The following LRRC7 variants were observed in gnomAD, a reference collection of about 807,000 sequenced individuals.
The protein encoded by LRRC7 is leucine rich repeat containing 7.
In LRRC7, 23 loss-of-function variants were observed where a neutral mutation model predicts 175.7. The observed-to-expected ratio is 0.13, with a 90% CI of 0.09 to 0.19. The LOEUF (loss-of-function observed/expected upper bound fraction) is 0.19. Ranked by LOEUF, LRRC7 falls within the 10% of genes least tolerant of loss-of-function variation. The pLI is 1.00. For synonymous variants in LRRC7, 685 were observed against 680.9 expected, an observed-to-expected ratio of 1.01 and a Z score of -0.09; for missense variants, 1,354 against 1,904.7, an observed-to-expected ratio of 0.71 and a Z score of 5.38.
chr1:69,894,044 G>A (rs1003471511), intron 7 of LRRC7, among the ~76,000 whole-genome samples: 5 of 152,092 alleles, frequency 3.3e-5, no homozygotes, highest in Non-Finnish European at 7.4e-5. Flanking sequence ...CCAGTATAAC[G>A]GTTAGATCAA....
At chr1:69,646,830 T>A (rs1655067138) in intron 1 of LRRC7, among the ~76,000 whole-genome samples, 1 of 152,146 alleles carries the variant, frequency 6.6e-6, no homozygotes, top group South Asian at 2.1e-4. Context: ...CAGTCTTTTT[T>A]AATAAATCTG....
At chr1:70,001,283 G>C (rs945353408) in intron 11 of LRRC7, among the ~76,000 whole-genome samples, 7 of 152,004 alleles carry the variant, frequency 4.6e-5, no homozygotes, top group South Asian at 2.1e-4. Context: ...AATGAGTATG[G>C]CTTCATATTT....
intron 2 of LRRC7, among the ~76,000 whole-genome samples, chr1:69,729,775 C>A (rs1355258261): frequency 6.6e-6 from 1 of 152,184 alleles, no homozygotes; most frequent in African/African-American, 2.4e-5. Context: ...TCTCACAGCT[C>A]CTCTAGGAAG....
At chr1:69,801,486 T>C (rs1676485604) in intron 4 of LRRC7, among the ~76,000 whole-genome samples, 1 of 151,768 alleles carries the variant, frequency 6.6e-6, no homozygotes, top group Non-Finnish European at 1.5e-5. Context: ...CCTCTGGAAT[T>C]CTTAGCCTGT....
At chr1:69,773,776 C>A (rs1390638310) in intron 3 of LRRC7, among the ~76,000 whole-genome samples, 1 of 152,154 alleles carries the variant, frequency 6.6e-6, no homozygotes, top group Non-Finnish European at 1.5e-5. Flanking sequence ...TCAAAACAAC[C>A]CTGCCCAATA....
chr1:69,755,231 G>A (rs1202105144), intron 2 of LRRC7, among the ~76,000 whole-genome samples: 1 of 151,636 alleles, frequency 6.6e-6, no homozygotes, highest in South Asian at 2.1e-4. Context: ...CTTTCCTAAT[G>A]TATCTATTCT....
intron 11 of LRRC7, among the ~76,000 whole-genome samples, chr1:70,004,421 A>G (rs766233721): frequency 5.3e-5 from 8 of 152,156 alleles, no homozygotes. Context: ...TCTGAAAATG[A>G]GTATAGCAGC....
At position 70,039,089 on chromosome 1, in the gene LRRC7, C is replaced by A. The variant is rs759946531; in HGVS notation, c.3265C>A (p.Pro1089Thr). 16 of 1,614,094 alleles carry A rather than the reference C, an allele frequency of 9.9e-6. No individual in the cohort carries two copies. The highest frequency in any genetic ancestry group is 2.2e-5 in the East Asian group (1 of 44,832). ...GAAAGCCGAAAAGAGGATACCACCC[C>A]CTTTTCAACACAATCCCGAGTACGT... ...EVKAEKRIPPPFQHNPEYVQQ... is the reference protein window; with the variant it reads ...EVKAEKRIPPTFQHNPEYVQQ... Residue 1089 changes from proline to threonine, a missense_variant, in exon 21 of 27, where the codon CCT becomes ACT. Around this residue, in one of 4 missense-constraint regions of LRRC7, gnomAD observed 1,032 missense variants for 1,227.2 expected, o/e 0.84. Transcript: ENST00000651989.
chr1:70,111,739 A>G (rs1665541624), intron 26 of LRRC7, among the ~76,000 whole-genome samples: 1 of 152,210 alleles, frequency 6.6e-6, no homozygotes, highest in South Asian at 2.1e-4. Context: ...CAACAGATTC[A>G]CAGTTGTAAC....
In LRRC7 at chr1:70,023,277, G is replaced by T; in HGVS notation, c.1697G>T (p.Trp566Leu). 2 of 1,613,496 alleles carry T rather than the reference G, an allele frequency of 1.2e-6. No homozygotes were observed. The highest frequency in any genetic ancestry group is 1.7e-6 in the Non-Finnish European group (2 of 1,179,658). ...PVPQNDPQLA[W>L]GCISGLQQER... ...CCCCAGAATGACCCACAGCTGGCAT[G>T]GGGTTGTATAAGTGGCCTCCAGCAG... Residue 566 changes from tryptophan to leucine, a missense_variant, in exon 17 of 27, where the codon TGG (tryptophan) becomes TTG (leucine). Physicochemically the swap from Trp to Leu is moderately conservative, Grantham distance 61. This residue lies in a region of LRRC7 where 1,032 missense variants were observed against 1,227.2 expected (regional missense o/e 0.84). Transcript: ENST00000651989.
intron 2 of LRRC7, among the ~76,000 whole-genome samples, chr1:69,728,406 A>ACAT (rs752859139): frequency 2.0e-5 from 3 of 152,198 alleles, no homozygotes; most frequent in African/African-American, 4.8e-5. Flanking sequence ...AAATGAAGCT[A>ACAT]CATTAAAGGC....
intron 18 of LRRC7, among the ~76,000 whole-genome samples, chr1:70,030,897 G>A (rs530921820): frequency 6.6e-5 from 10 of 152,204 alleles, no homozygotes; most frequent in East Asian, 5.8e-4. Flanking sequence ...CAGGGCTGGC[G>A]GAGCCATAAG....
intron 1 of LRRC7, among the ~76,000 whole-genome samples, chr1:69,631,200 A>G (rs1773348): frequency 0.13 from 19,519 of 152,038 alleles, 1,599 homozygotes; most frequent in South Asian, 0.19. Context: ...ATTCACTGCA[A>G]TGTGGATTTC....
At chr1:69,699,215 C>T (rs1051682839) in intron 2 of LRRC7, among the ~76,000 whole-genome samples, 2 of 152,124 alleles carry the variant, frequency 1.3e-5, no homozygotes, top group African/African-American at 4.8e-5. Context: ...AGAGAAAGTT[C>T]AAACTACTGT....
intron 17 of LRRC7, among the ~76,000 whole-genome samples, chr1:70,024,202 A>G (rs1321334729): frequency 1.3e-5 from 2 of 151,970 alleles, no homozygotes; most frequent in African/African-American, 4.8e-5. Flanking sequence ...AATATTTAAC[A>G]ATCAATGATC....
At chr1:69,886,189 G>A (rs565122989) in intron 7 of LRRC7, among the ~76,000 whole-genome samples, 72 of 152,042 alleles carry the variant, frequency 4.7e-4, no homozygotes, top group Non-Finnish European at 8.7e-4. Context: ...TTTCTGTCTC[G>A]TTTATCTGTC....
chr1:69,994,203 A>G (rs984950), intron 10 of LRRC7, among the ~76,000 whole-genome samples: 25,603 of 152,186 alleles, frequency 0.17, 3,545 homozygotes, highest in African/African-American at 0.39. Flanking sequence ...CTGCTTAGGA[A>G]CTAATTAAAT....
chr1:70,086,536 T>A (rs1429260516), intron 24 of LRRC7, among the ~76,000 whole-genome samples: 1 of 152,036 alleles, frequency 6.6e-6, no homozygotes, highest in Non-Finnish European at 1.5e-5. Flanking sequence ...CCAAGCACTT[T>A]GGAAGGCTGA....
intron 1 of LRRC7, among the ~76,000 whole-genome samples, chr1:69,608,671 G>A (rs1648055753): frequency 6.6e-6 from 1 of 151,756 alleles, no homozygotes; most frequent in East Asian, 1.9e-4. Flanking sequence ...TAAACAGGCT[G>A]TACATTTTGC....
Sources: allele counts gnomAD v4.1 joint callset (sites outside exome capture counted in the v4.1 genomes callset), GRCh38; gene constraint gnomAD v4.1.1; regional missense constraint gnomAD v4.1.1; transcripts MANE v1.5; gene names NCBI Gene and HGNC (gene_info 2026-07-23, HGNC 2026-07-21).